Variants in PPL observed in about 807,000 individuals in gnomAD.
PPL encodes 190 kDa paraneoplastic pemphigus antigen.
Under a neutral mutation model 194.4 loss-of-function variants are expected in PPL, and 198 were observed. The observed-to-expected ratio is 1.02, with a 90% CI of 0.91 to 1.15. The LOEUF is 1.15. Among genes scored for constraint, PPL ranks in the 50% most tolerant of loss-of-function variants. The probability of loss-of-function intolerance (pLI) is 0.00; values close to 1 mark genes in which losing one functional copy is unlikely to be tolerated. For synonymous variants in PPL, 1,220 were observed against 972.4 expected, an observed-to-expected ratio of 1.25 and a Z score of -4.74; for missense variants, 2,885 against 2,294.8, an observed-to-expected ratio of 1.26 and a Z score of -5.25.
chr16:4,911,393 C>G (rs1181669970), intron 1 of PPL, among the ~76,000 whole-genome samples: 1 of 152,076 alleles, frequency 6.6e-6, no homozygotes, highest in Non-Finnish European at 1.5e-5. Flanking sequence ...AACTCCTGAC[C>G]TCAAGTGATC....
intron 17 of PPL, 45 bp downstream of exon 17, chr16:4,890,683 G>A (rs766614036): frequency 4.5e-6 from 7 of 1,549,272 alleles, no homozygotes; most frequent in Non-Finnish European, 5.2e-6. Flanking sequence ...GAATTAGATC[G>A]CATTCTCAGA....
chr16:4,913,912 T>A (rs746845191), intron 1 of PPL, among the ~76,000 whole-genome samples: 1 of 152,102 alleles, frequency 6.6e-6, no homozygotes, highest in Non-Finnish European at 1.5e-5. Flanking sequence ...AGCCTCTCCC[T>A]CCCTGATCCA....
chr16:4,888,082 G>A lies in PPL; in HGVS notation c.2514+20C>T, dbSNP rs748415948. ...TGGCCTCCACCTCAGTCCCGAGGCC[G>A]CCTGGCCCATGGAACTCACCTCTTC... is the stretch of plus-strand genomic sequence containing the variant. On this transcript the variant is annotated intron_variant, in intron 20 of 21. Transcript: ENST00000345988. The A allele has an allele frequency of 2.4e-5, 38 of 1,581,614 alleles. No individual in the cohort carries two copies. Among genetic ancestry groups the A allele is most frequent in the East Asian group, 6.7e-5 (3 of 44,692 alleles).
intron 1 of PPL, among the ~76,000 whole-genome samples, chr16:4,916,649 C>T (rs893639891): frequency 2.7e-5 from 4 of 148,854 alleles, no homozygotes; most frequent in African/African-American, 9.9e-5. Context: ...CGACTACAGG[C>T]GCCTGGCACC....
intron 2 of PPL, among the ~76,000 whole-genome samples, chr16:4,909,803 C>T (rs2142383628): frequency 6.6e-6 from 1 of 152,322 alleles, no homozygotes; most frequent in South Asian, 2.1e-4. Context: ...ACTTGATTTT[C>T]AGATAAACAA....
intron 18 of PPL, 133 bp from the exon 19 acceptor site, chr16:4,889,194 T>C (rs914902959): frequency 6.1e-6 from 4 of 655,706 alleles, no homozygotes; most frequent in Non-Finnish European, 1.1e-5. Flanking sequence ...ATGGCTCCCT[T>C]GTATACATTT....
intron 12 of PPL, 43 bp downstream of exon 12, chr16:4,894,424 G>T: frequency 6.2e-7 from 1 of 1,605,056 alleles, no homozygotes. Flanking sequence ...GAAGCCCTGG[G>T]GGTGGGACTG....
intron 1 of PPL, 107 bp downstream of exon 1, chr16:4,936,877 C>T: frequency 3.4e-6 from 4 of 1,176,478 alleles, no homozygotes; most frequent in Non-Finnish European, 4.6e-6. Flanking sequence ...TTCCCGGTTC[C>T]TGGACCCCCG....
Position 4,884,515 on chromosome 16 carries a change from C to T in PPL, c.4140G>A (p.Arg1380=), listed in dbSNP as rs752330719. The change falls in exon 22 of 22, where the codon CGG becomes CGA. Residue 1380 remains arginine, a synonymous_variant. Transcript: ENST00000345988. The surrounding 1 kb of genome is among the most constrained non-coding windows in gnomAD (Gnocchi z 5.7). The part of the protein sequence containing the change: ...AFAESIDVEL[R]QIDKLRAELR... ...GCTCTGCCCGCAGCTTGTCAATCTG[C>T]CGCAGCTCCACATCGATGCTCTCGG... 3 of 1,610,564 alleles carry T rather than the reference C, an allele frequency of 1.9e-6. No homozygotes were observed. The highest frequency in any genetic ancestry group is 8.5e-7 in the Non-Finnish European group (1 of 1,179,436).
intron 1 of PPL, among the ~76,000 whole-genome samples, chr16:4,935,603 G>A (rs930826899): frequency 7.9e-5 from 12 of 152,178 alleles, no homozygotes; most frequent in Non-Finnish European, 1.5e-4. Context: ...CTCTAAAGGC[G>A]GGTAATGCCT....
At position 4,884,698 on chromosome 16, in the gene PPL, C is replaced by G. The variant is rs377146170; in HGVS notation, c.3957G>C (p.Gln1319His). ...CCCTCTCCAGATCCACTTGTTTCTT[C>G]TGCTCCTCTGAGAGCTTTGCCCTCA... ...ASLRAKLSEE[Q>H]KKQVDLERER... Residue 1319 changes from glutamine to histidine, a missense_variant, in exon 22 of 22, where the codon CAG becomes CAC. By Grantham distance (24) the Gln-to-His change is conservative. Transcript: ENST00000345988. This position sits in a 1 kb window ranked among gnomAD's most constrained non-coding sequence, Gnocchi z 5.7. 3 of 1,614,172 alleles carry G rather than the reference C, an allele frequency of 1.9e-6. No homozygotes were observed. Among genetic ancestry groups the G allele is most frequent in the Non-Finnish European group, 2.5e-6 (3 of 1,180,042 alleles).
At chr16:4,908,162 C>CAAAAAAA (rs55889324) in intron 2 of PPL, among the ~76,000 whole-genome samples, 4 of 73,186 alleles carry the variant, frequency 5.5e-5, no homozygotes, top group Non-Finnish European at 8.4e-5. Flanking sequence ...AGACTGTCTC[C>CAAAAAAA]AAAAAAAAAA....
intron 2 of PPL, 42 bp from the exon 3 acceptor site, chr16:4,904,082 G>C: frequency 1.3e-6 from 2 of 1,585,406 alleles, no homozygotes; most frequent in Non-Finnish European, 1.7e-6. Context: ...CAGGAGCCGA[G>C]AGCGGGCACG....
At chr16:4,893,848 TCTCA>T (rs2088367977) in intron 12 of PPL, 2 of 573,186 alleles carry the variant, frequency 3.5e-6, no homozygotes, top group Non-Finnish European at 6.2e-6. Flanking sequence ...TCGTAGGAAG[TCTCA>T]CTACCTAAAA....
Position 4,887,223 on chromosome 16 carries a change from G to A in PPL, c.2519C>T (p.Ala840Val). The A allele has an allele frequency of 6.2e-7, 1 of 1,613,074 alleles. No homozygotes were observed. Among genetic ancestry groups the A allele is most frequent in the Non-Finnish European group, 8.5e-7 (1 of 1,179,078 alleles). ...SPATKVKEEE[A>V]ALAAKFTEVY... ...TTCAGTGAACTTGGCGGCAAGTGCT[G>A]CTTCCTGCAGAGAAGAGGATTAGGA... Residue 840 changes from alanine (A) to valine (V), a missense_variant, in exon 21 of 22, where the codon GCA (alanine) becomes GTA (valine). Physicochemically the swap from Ala to Val is moderately conservative, Grantham distance 64. Transcript: ENST00000345988.
At position 4,885,415 on chromosome 16, in the gene PPL, C is replaced by G. The variant is rs2088198432; in HGVS notation, c.3240G>C (p.Gln1080His). The change falls in exon 22 of 22, where the codon CAG becomes CAC. Residue 1080 changes from glutamine to histidine, a missense_variant. Physicochemically the swap from Gln to His is conservative, Grantham distance 24. Coordinates refer to ENST00000345988, the MANE Select transcript of PPL (RefSeq NM_002705.5). The surrounding 1 kb of genome is among the most constrained non-coding windows in gnomAD (Gnocchi z 6.3). ...CCTCCTGCTTCTCCCTGAGCTGGTC[C>G]TGGCGCTGGTGGTCCTCCTGCAGCT... The part of the protein sequence containing the change: ...YQQLQEDHQR[Q>H]DQLREKQEEE... 6.2e-7 allele frequency: 1 copy of G among 1,612,882 alleles called. No individual in the cohort carries two copies. The highest frequency in any genetic ancestry group is 1.7e-5 in the Admixed American group (1 of 60,024).
intron 2 of PPL, 95 bp downstream of exon 2, chr16:4,910,755 C>A: frequency 8.9e-7 from 1 of 1,125,474 alleles, no homozygotes; most frequent in East Asian, 2.4e-5. Flanking sequence ...CACAATCACC[C>A]CTGGGTGAGA....
At chr16:4,903,316 C>G (rs2088614951) in intron 3 of PPL, among the ~76,000 whole-genome samples, 1 of 152,070 alleles carries the variant, frequency 6.6e-6, no homozygotes, top group Non-Finnish European at 1.5e-5. Flanking sequence ...AGAGCTCGCT[C>G]AAAAGCTCAC....
rs112064876 is a variant in PPL at position 4,910,404 on chromosome 16, G to T, written c.162+446C>A. On this transcript the variant is annotated intron_variant, in intron 2 of 21. Coordinates refer to ENST00000345988, the MANE Select transcript of PPL (RefSeq NM_002705.5). Reference sequence around the variant, plus strand: ...CTCCTGCCTGCTTAGAGAGAATCTCGTTCATGGGGAGGTGGGATGGCTCAC... The same window carrying T: ...CTCCTGCCTGCTTAGAGAGAATCTCTTTCATGGGGAGGTGGGATGGCTCAC... Among the ~76,000 whole-genome samples the T allele has an allele frequency of 1.6e-3, 240 of 152,230 alleles. 1 individual carries two copies. The highest frequency in any genetic ancestry group is 5.5e-3 in the African/African-American group (227 of 41,540).
Sources: gnomAD v4.1 joint callset for allele counts (sites outside exome capture counted in the v4.1 genomes callset) on GRCh38, gnomAD v4.1.1 for gene constraint, Gnocchi (gnomAD v3.1) non-coding constraint, MANE v1.5 for transcripts, NCBI Gene and HGNC (gene_info 2026-07-23, HGNC 2026-07-21) for gene names.